PTPRD: variants seen among roughly 807,000 people sequenced by gnomAD.
PTPRD encodes the protein receptor-type tyrosine-protein phosphatase delta.
In PTPRD, 34 loss-of-function variants were observed where a neutral mutation model predicts 214.5. That is an observed-to-expected ratio of 0.16 (90% CI 0.12 to 0.21). PTPRD has a LOEUF of 0.21. Among genes scored for constraint, PTPRD ranks in the 10% least tolerant of loss-of-function variants. The pLI is 1.00. For synonymous variants in PTPRD, 1,128 were observed against 845.7 expected (o/e 1.33, Z -5.79); for missense variants, 2,545 against 2,398.7 (o/e 1.06, Z -1.27).
chr9:8,365,884 G>GGA (rs1200356215), intron 39 of PTPRD, among the ~76,000 whole-genome samples: 1 of 152,140 alleles, frequency 6.6e-6, no homozygotes, highest in Non-Finnish European at 1.5e-5. Flanking sequence ...AAAGAGCTCA[G>GGA]GAGAGATAGG....
At chr9:9,495,091 C>G (rs1417068928) in intron 8 of PTPRD, among the ~76,000 whole-genome samples, 2 of 152,046 alleles carry the variant, frequency 1.3e-5, no homozygotes, top group Non-Finnish European at 2.9e-5. Flanking sequence ...ATAAATGGTA[C>G]TGGGAAGACT....
chr9:8,808,200 G>T (rs189635018), intron 11 of PTPRD, among the ~76,000 whole-genome samples: 1 of 152,122 alleles, frequency 6.6e-6, no homozygotes, highest in Non-Finnish European at 1.5e-5. Flanking sequence ...ATGAGTCAAG[G>T]ATGCCACCAT....
At chr9:10,605,918 G>C (rs2079201530) in intron 2 of PTPRD, among the ~76,000 whole-genome samples, 1 of 151,808 alleles carries the variant, frequency 6.6e-6, no homozygotes, top group Non-Finnish European at 1.5e-5. Context: ...ATCCTGACTA[G>C]TGATTCTGAC....
At chr9:9,568,307 CTT>C (rs1591787945) in intron 8 of PTPRD, among the ~76,000 whole-genome samples, 1 of 151,888 alleles carries the variant, frequency 6.6e-6, no homozygotes, top group East Asian at 1.9e-4. Context: ...ACATGGAAGA[CTT>C]GAGAAAATAA....
intron 8 of PTPRD, among the ~76,000 whole-genome samples, chr9:9,491,503 G>C (rs1344669902): frequency 1.8e-4 from 27 of 150,792 alleles, no homozygotes; most frequent in Non-Finnish European, 7.4e-5. Flanking sequence ...CTTCTCAAGA[G>C]CATATGAGAC....
chr9:10,432,333 G>A (rs1162662377), intron 2 of PTPRD, among the ~76,000 whole-genome samples: 1 of 150,584 alleles, frequency 6.6e-6, no homozygotes, highest in Non-Finnish European at 1.5e-5. Context: ...TATACCTAAT[G>A]CTAGATGACG....
chr9:9,801,364 A>G (rs1484607688), intron 5 of PTPRD, among the ~76,000 whole-genome samples: 2 of 152,120 alleles, frequency 1.3e-5, no homozygotes, highest in East Asian at 3.9e-4. Context: ...CTTTCAGTAT[A>G]AAACAGGAAT....
rs777910266 is a variant in PTPRD at position 9,058,442 on chromosome 9, G to GTTTTTTTTTTTTTTTTTTTTTTTT, written c.-142-39731_-142-39708dup. Among the ~76,000 whole-genome samples the GTTTTTTTTTTTTTTTTTTTTTTTT allele has an allele frequency of 4.3e-5, 3 of 69,900 alleles. 1 individual carries two copies. The highest frequency in any genetic ancestry group is 4.9e-4 in the East Asian group (1 of 2,052). 45.9% of individuals were successfully genotyped at this position (69,900 alleles called of 152,430 possible). On this transcript the variant is annotated intron_variant, in intron 10 of 45. Coordinates refer to ENST00000381196, the MANE Select transcript of PTPRD (RefSeq NM_002839.4). The stretch of plus-strand genomic sequence containing the variant: ...TATTGGTGAGAGAAATATTATGAGG[G>GTTTTTTTTTTTTTTTTTTTTTTTT]TTTTTTTTTTTTTTTTTTTTTTTTT...
intron 9 of PTPRD, among the ~76,000 whole-genome samples, chr9:9,219,379 T>C (rs1250893462): frequency 6.6e-6 from 1 of 151,610 alleles, no homozygotes; most frequent in Non-Finnish European, 1.5e-5. Flanking sequence ...ACAGATGATT[T>C]ATTCCATAAT....
At chr9:10,011,622 T>G (rs1746093765) in intron 4 of PTPRD, among the ~76,000 whole-genome samples, 1 of 151,990 alleles carries the variant, frequency 6.6e-6, no homozygotes, top group Non-Finnish European at 1.5e-5. Flanking sequence ...TTTGTGTTTT[T>G]GGTTTACTTA....
intron 5 of PTPRD, among the ~76,000 whole-genome samples, chr9:9,845,164 CAATATATATATATATATTGCTCTA>C (rs2059276152): frequency 5.2e-4 from 4 of 7,664 alleles, no homozygotes; most frequent in Non-Finnish European, 1.7e-3. Context: ...ATATATAGAG[CAATATATATATATATATTGCTCTA>C]TATATATAGC....
chr9:10,308,410 C>G lies in PTPRD; in HGVS notation c.-545+32553G>C, dbSNP rs148634573. On this transcript the variant is annotated intron_variant, in intron 3 of 45. Coordinates refer to ENST00000381196, the MANE Select transcript of PTPRD (RefSeq NM_002839.4). ...TAATTCTTGGTTATATTTTCCATTC[C>G]ATTAGTCTATGTGTCTGTTTTTACA... is the stretch of plus-strand genomic sequence containing the variant. 1.6e-4 allele frequency among the ~76,000 whole-genome samples: 24 copies of G among 151,996 alleles called. No individual in the cohort carries two copies. The East Asian group carries it at 4.3e-3, about 27-fold the overall frequency.
intron 6 of PTPRD, among the ~76,000 whole-genome samples, chr9:9,762,665 C>A (rs1251785083): frequency 6.6e-6 from 1 of 152,238 alleles, no homozygotes; most frequent in Non-Finnish European, 1.5e-5. Context: ...CCAGTTTACA[C>A]TGACATGATC....
chr9:8,859,665 G>A (rs73433139), intron 11 of PTPRD, among the ~76,000 whole-genome samples: 6,573 of 152,154 alleles, frequency 0.043, 354 homozygotes, highest in African/African-American at 0.12. Context: ...CTGCCCATTT[G>A]TTTCCACCAT....
At chr9:9,094,529 G>T (rs1040775260) in intron 10 of PTPRD, among the ~76,000 whole-genome samples, 1 of 152,132 alleles carries the variant, frequency 6.6e-6, no homozygotes, top group Non-Finnish European at 1.5e-5. Context: ...TTGGGGGAAA[G>T]TTGGGAGGGA....
chr9:8,477,203 C>T, intron 30 of PTPRD, among the ~76,000 whole-genome samples: 1 of 151,992 alleles, frequency 6.6e-6, no homozygotes, highest in Non-Finnish European at 1.5e-5. Flanking sequence ...TGCCCGTCTG[C>T]CTCAAGCCTG....
At chr9:8,967,162 G>T (rs929655210) in intron 11 of PTPRD, among the ~76,000 whole-genome samples, 1 of 151,988 alleles carries the variant, frequency 6.6e-6, no homozygotes, top group Non-Finnish European at 1.5e-5. Flanking sequence ...TGTTGGTGAG[G>T]TTGTGGAAAA....
intron 10 of PTPRD, among the ~76,000 whole-genome samples, chr9:9,151,740 T>C (rs2099876952): frequency 6.6e-6 from 1 of 152,172 alleles, no homozygotes; most frequent in Non-Finnish European, 1.5e-5. Flanking sequence ...GATGGCACTT[T>C]GATAAATCAC....
At chr9:9,323,946 T>C (rs929967226) in intron 9 of PTPRD, among the ~76,000 whole-genome samples, 1 of 152,136 alleles carries the variant, frequency 6.6e-6, no homozygotes, top group East Asian at 1.9e-4. Flanking sequence ...AGTGTTTGGT[T>C]TTCTGTCCTT....
Sources: allele counts gnomAD v4.1 joint callset (sites outside exome capture counted in the v4.1 genomes callset), GRCh38; gene constraint gnomAD v4.1.1; transcripts MANE v1.5; gene names NCBI Gene and HGNC (gene_info 2026-07-23, HGNC 2026-07-21).